FGF14: variants seen among roughly 807,000 people sequenced by gnomAD.
FGF14 encodes fibroblast growth factor 14, also known as fibroblast growth factor homologous factor 4.
In FGF14, 5 loss-of-function variants were observed where a neutral mutation model predicts 25.5. The ratio of observed to expected loss-of-function variants is 0.20; its 90% confidence interval spans 0.10 to 0.41. FGF14 has a LOEUF of 0.41. Among genes scored for constraint, FGF14 ranks in the 10% least tolerant of loss-of-function variants. The probability of loss-of-function intolerance (pLI) is 1.00; values close to 1 mark genes in which losing one functional copy is unlikely to be tolerated. For missense variants in FGF14, 222 were observed against 320.1 expected (o/e 0.69, Z 2.34); for synonymous variants, 138 against 118.3 (o/e 1.17, Z -1.08).
chr13:102,132,359 G>A lies in FGF14; in HGVS notation c.209-257063C>T, dbSNP rs183089677. ...ATATACACATAAAACATTACATATT[G>A]GTACATTTTAAGACATAATTAACTC... On this transcript the variant is annotated intron_variant, in intron 1 of 4. Coordinates refer to the FGF14 transcript ENST00000376131. Among the ~76,000 whole-genome samples the A allele has an allele frequency of 2.9e-3, 437 of 152,128 alleles. 2 individuals are homozygous for A. The highest frequency in any genetic ancestry group is 9.8e-3 in the African/African-American group (406 of 41,518).
At chr13:102,298,750 C>A (rs2054865905) in intron 1 of FGF14, among the ~76,000 whole-genome samples, 1 of 152,060 alleles carries the variant, frequency 6.6e-6, no homozygotes, top group South Asian at 2.1e-4. Context: ...GTGCAAAGTG[C>A]CACATGAAAG....
chr13:101,987,584 A>G (rs2038661018), intron 1 of FGF14, among the ~76,000 whole-genome samples: 1 of 151,994 alleles, frequency 6.6e-6, no homozygotes, highest in African/African-American at 2.4e-5. Flanking sequence ...AAGAAAGTTT[A>G]TATTTTTACT....
intron 3 of FGF14, among the ~76,000 whole-genome samples, chr13:101,739,969 T>C (rs2036435214): frequency 6.6e-6 from 1 of 152,196 alleles, no homozygotes; most frequent in South Asian, 2.1e-4. Flanking sequence ...ATGTTACCCA[T>C]AGATTTCAGG....
intron 1 of FGF14, among the ~76,000 whole-genome samples, chr13:102,107,004 G>C (rs750846867): frequency 6.6e-5 from 10 of 152,176 alleles, no homozygotes; most frequent in Non-Finnish European, 1.5e-4. Flanking sequence ...CATTTAGAGT[G>C]TGGACTGTTT....
intron 1 of FGF14, among the ~76,000 whole-genome samples, chr13:102,263,741 T>C (rs557706110): frequency 1.3e-5 from 2 of 152,256 alleles, no homozygotes; most frequent in African/African-American, 4.8e-5. Flanking sequence ...TTGCTAAAAT[T>C]CAGAATTTGT....
chr13:101,841,194 A>C (rs747438430), intron 3 of FGF14, among the ~76,000 whole-genome samples: 13 of 152,100 alleles, frequency 8.5e-5, no homozygotes, highest in Middle Eastern at 6.8e-3. Context: ...AAAAATTAAA[A>C]AGCTATTTAA....
intron 1 of FGF14, among the ~76,000 whole-genome samples, chr13:101,949,453 G>A (rs1028433437): frequency 1.3e-5 from 2 of 152,130 alleles, no homozygotes; most frequent in Admixed American, 6.6e-5. Flanking sequence ...GGCTGAACGA[G>A]TGGTTCTTTG....
At chr13:102,216,231 A>G (rs935884050) in intron 1 of FGF14, among the ~76,000 whole-genome samples, 1 of 152,192 alleles carries the variant, frequency 6.6e-6, no homozygotes, top group Admixed American at 6.5e-5. Context: ...TAGCTCTGAG[A>G]TAACACAGGA....
At chr13:102,140,285 A>G (rs1482416958) in intron 1 of FGF14, among the ~76,000 whole-genome samples, 2 of 152,228 alleles carry the variant, frequency 1.3e-5, no homozygotes, top group Non-Finnish European at 2.9e-5. Flanking sequence ...TCTGGTATAT[A>G]GCAGATACTC....
At chr13:101,725,858 T>C (rs1207344973) in intron 4 of FGF14, among the ~76,000 whole-genome samples, 1 of 152,058 alleles carries the variant, frequency 6.6e-6, no homozygotes, top group African/African-American at 2.4e-5. Flanking sequence ...ATGACACTTT[T>C]GGCAGAATCA....
rs534305329 is a variant in FGF14 at position 101,785,884 on chromosome 13, A to G, written c.409-59074T>C. 2.0e-5 allele frequency among the ~76,000 whole-genome samples: 3 copies of G among 152,266 alleles called. No individual in the cohort carries two copies. In the South Asian group the frequency reaches 6.2e-4, roughly 32 times the overall value. ...TAACAATGCATGGACCCCACTCCCT[A>G]TGTTTTAGGACATAGAGTGATCACT... On this transcript the variant is annotated intron_variant, in intron 3 of 4. Coordinates refer to ENST00000376143, the MANE Select transcript of FGF14 (RefSeq NM_004115.4).
chr13:102,135,977 A>C (rs553237537), intron 1 of FGF14, among the ~76,000 whole-genome samples: 9 of 152,064 alleles, frequency 5.9e-5, no homozygotes, highest in Non-Finnish European at 1.3e-4. Flanking sequence ...TTAAATAAGA[A>C]TTTTGCTCTA....
intron 1 of FGF14, among the ~76,000 whole-genome samples, chr13:102,166,379 G>A (rs1256612197): frequency 1.3e-5 from 2 of 151,388 alleles, no homozygotes; most frequent in African/African-American, 2.4e-5. Flanking sequence ...ATCAATACTT[G>A]CGGGACTTTC....
chr13:101,750,413 C>A (rs1002378938), intron 3 of FGF14, among the ~76,000 whole-genome samples: 1 of 151,974 alleles, frequency 6.6e-6, no homozygotes, highest in Non-Finnish European at 1.5e-5. Context: ...AGGATGAAAA[C>A]AAACTGCAAG....
intron 3 of FGF14, among the ~76,000 whole-genome samples, chr13:101,842,733 C>T (rs1222973689): frequency 1.3e-5 from 2 of 152,056 alleles, no homozygotes; most frequent in African/African-American, 4.8e-5. Context: ...AGGAGCATCA[C>T]TAAGCATGTT....
intron 1 of FGF14, among the ~76,000 whole-genome samples, chr13:102,073,411 A>G (rs1254040204): frequency 1.3e-5 from 2 of 152,196 alleles, no homozygotes; most frequent in Non-Finnish European, 1.5e-5. Context: ...TTCCTGTGGA[A>G]TTTAGGAGCA....
chr13:102,280,733 C>T (rs189975048), intron 1 of FGF14, among the ~76,000 whole-genome samples: 1 of 152,144 alleles, frequency 6.6e-6, no homozygotes, highest in African/African-American at 2.4e-5. Flanking sequence ...GAAATAAGAA[C>T]AGCTCCAAGA....
intron 1 of FGF14, among the ~76,000 whole-genome samples, chr13:102,131,374 T>C (rs963926021): frequency 2.0e-5 from 3 of 152,222 alleles, no homozygotes; most frequent in Non-Finnish European, 4.4e-5. Flanking sequence ...GCTCTCATTG[T>C]TTATTTAAAA....
intron 3 of FGF14, among the ~76,000 whole-genome samples, chr13:101,772,141 A>G (rs1011579266): frequency 5.3e-5 from 8 of 152,060 alleles, no homozygotes; most frequent in Non-Finnish European, 1.0e-4. Context: ...TATGTCACAT[A>G]TACATTATGT....
Sources: allele counts gnomAD v4.1 joint callset (sites outside exome capture counted in the v4.1 genomes callset), GRCh38; gene constraint gnomAD v4.1.1; transcripts MANE v1.5; gene names NCBI Gene and HGNC (gene_info 2026-07-23, HGNC 2026-07-21).